The following FREM2 variants were observed in gnomAD, a reference collection of about 807,000 sequenced individuals.
FREM2 encodes the protein FRAS1-related extracellular matrix protein 2.
FREM2 carries 119 observed loss-of-function variants against 219.9 expected under a neutral mutation model. The observed-to-expected ratio is 0.54, with a 90% CI of 0.47 to 0.63. The LOEUF is 0.63. Ranked by LOEUF, FREM2 falls within the 30% of genes least tolerant of loss-of-function variation. FREM2 has a pLI of 0.00. For synonymous variants in FREM2, 1,562 were observed against 1,522.8 expected (o/e 1.03, Z -0.60); for missense variants, 4,030 against 3,993.6 (o/e 1.01, Z -0.25).
intron 2 of FREM2, among the ~76,000 whole-genome samples, chr13:38,716,621 C>T (rs1167533110): frequency 6.6e-6 from 1 of 152,048 alleles, no homozygotes; most frequent in Non-Finnish European, 1.5e-5. Flanking sequence ...AAGTCTCCTC[C>T]CTCAACCTCC....
Position 38,883,286 on chromosome 13 carries a change from G to A in FREM2, c.*2499G>A, listed in dbSNP as rs1878611813. ...ACATTAATTATTTTTTGAAACTCTTGTTAGTGGGAAGAATATGGTAAATTT... is the reference window on the plus strand; with the variant it reads ...ACATTAATTATTTTTTGAAACTCTTATTAGTGGGAAGAATATGGTAAATTT... On this transcript the variant is annotated 3_prime_UTR_variant, in exon 24 of 24. Transcript: ENST00000280481. 1 of 152,000 alleles carries A rather than the reference G, an allele frequency of 6.6e-6. No homozygotes were observed. Among genetic ancestry groups the A allele is most frequent in the Admixed American group, 6.6e-5 (1 of 15,258 alleles). The allele number at this position is 152,000 out of a possible 1,614,324, so 9.4% of individuals were successfully genotyped here.
rs75237997 is a variant in FREM2, at chr13:38,879,139, C to T, written c.9006+162C>T. ...GATATGGCAAATAAACTACATAACC[C>T]TATGCTGGGCATATGGTGAGCACTC... On this transcript the variant is annotated intron_variant, in intron 23 of 23. Transcript: ENST00000280481. Among the ~76,000 whole-genome samples the T allele has an allele frequency of 7.8e-3, 1,190 of 152,276 alleles. 22 individuals are homozygous for T. Among genetic ancestry groups the T allele is most frequent in the African/African-American group, 0.027 (1,138 of 41,536 alleles).
At chr13:38,842,956 G>A (rs1391599016) in intron 6 of FREM2, among the ~76,000 whole-genome samples, 1 of 152,176 alleles carries the variant, frequency 6.6e-6, no homozygotes, top group African/African-American at 2.4e-5. Context: ...AGACTTTTCT[G>A]TAGTCAATGC....
intron 10 of FREM2, 130 bp from the exon 11 acceptor site, chr13:38,851,556 G>T: frequency 1.3e-6 from 1 of 752,178 alleles, no homozygotes; most frequent in Non-Finnish European, 2.3e-6. Context: ...AATTTTGAGT[G>T]AGGGGACAGA....
intron 6 of FREM2, among the ~76,000 whole-genome samples, chr13:38,818,801 A>G (rs1012206085): frequency 6.6e-6 from 1 of 152,060 alleles, no homozygotes; most frequent in East Asian, 1.9e-4. Context: ...CGTCTTTACT[A>G]AAAATACAAA....
At chr13:38,822,649 A>C (rs959087032) in intron 6 of FREM2, among the ~76,000 whole-genome samples, 7 of 152,108 alleles carry the variant, frequency 4.6e-5, no homozygotes, top group Non-Finnish European at 1.0e-4. Context: ...CTATCCTCCC[A>C]ACAAACCTAG....
chr13:38,742,965 A>G (rs1344921061), intron 2 of FREM2, among the ~76,000 whole-genome samples: 4 of 152,242 alleles, frequency 2.6e-5, no homozygotes, highest in African/African-American at 4.8e-5. Flanking sequence ...AACTAGGACA[A>G]TAATACTGTT....
intron 11 of FREM2, among the ~76,000 whole-genome samples, chr13:38,853,094 A>G (rs1056110227): frequency 1.3e-5 from 2 of 152,012 alleles, no homozygotes; most frequent in Admixed American, 1.3e-4. Context: ...TTGGGAGGCC[A>G]AGGCGGGTGG....
chr13:38,687,371 A>T lies in FREM2; in HGVS notation c.27A>T (p.Leu9Phe), dbSNP rs369431598. The change falls in exon 1 of 24, where the codon TTA (leucine) becomes TTT (phenylalanine). Residue 9 changes from leucine to phenylalanine, a missense_variant. Leu to Phe is a conservative substitution (Grantham distance 22). Transcript: ENST00000280481. Reference protein sequence around the residue: MHSAGTPGLSSRRTGNSTS... With the variant: MHSAGTPGFSSRRTGNSTS... ...TGCACTCAGCCGGGACTCCCGGGTT[A>T]TCCTCGCGCCGGACAGGCAACTCCA... is the stretch of plus-strand genomic sequence containing the variant. 2 of 1,608,472 alleles carry T rather than the reference A, an allele frequency of 1.2e-6. No homozygotes were observed. The highest frequency in any genetic ancestry group is 1.7e-6 in the Non-Finnish European group (2 of 1,177,862).
At position 38,876,254 on chromosome 13, in the gene FREM2, G is replaced by A; in HGVS notation, c.8416G>A (p.Asp2806Asn). Reference sequence around the variant, plus strand: ...CAATATCTTCTCCTCAAAGGTACGTGACTACTCAGGGACCTATACTGTGAA... The same window carrying A: ...CAATATCTTCTCCTCAAAGGTACGTAACTACTCAGGGACCTATACTGTGAA... ...WSFVSDFAVR[D>N]YSGTYTVKLV... is the part of the protein sequence containing the mutation. The change falls in exon 20 of 24, where the codon GAC becomes AAC. Residue 2806 changes from aspartate to asparagine, a missense_variant. Transcript: ENST00000280481. The A allele has an allele frequency of 6.2e-7, 1 of 1,613,986 alleles. No individual in the cohort carries two copies. Among genetic ancestry groups the A allele is most frequent in the South Asian group, 1.1e-5 (1 of 91,048 alleles).
intron 2 of FREM2, among the ~76,000 whole-genome samples, chr13:38,762,539 A>G (rs1225051546): frequency 6.6e-6 from 1 of 151,998 alleles, no homozygotes; most frequent in Non-Finnish European, 1.5e-5. Flanking sequence ...TCCTGGGTAC[A>G]AGCGATTCTC....
chr13:38,770,446 G>T (rs1051958080), intron 4 of FREM2, among the ~76,000 whole-genome samples: 2 of 151,868 alleles, frequency 1.3e-5, no homozygotes, highest in African/African-American at 2.4e-5. Flanking sequence ...ATTTAATATT[G>T]CTCATGTCAT....
At position 38,837,790 on chromosome 13, in the gene FREM2, G is replaced by GTTTTTT. The variant is rs796568760; in HGVS notation, c.6020-8778_6020-8777insTTTTTT. On this transcript the variant is annotated intron_variant, in intron 6 of 23. Coordinates refer to ENST00000280481, the MANE Select transcript of FREM2 (RefSeq NM_207361.6). Reference sequence around the variant, plus strand: ...GTTTTTTTTTGTTTTGTTTTGTTTTGTTTTTGCTTTCCATTTGCTTGGTAA... The same window carrying GTTTTTT: ...GTTTTTTTTTGTTTTGTTTTGTTTTGTTTTTTTTTTTGCTTTCCATTTGCTTGGTAA... 2.9e-5 allele frequency among the ~76,000 whole-genome samples: 4 copies of GTTTTTT among 137,132 alleles called. 1 individual carries two copies. The highest frequency in any genetic ancestry group is 8.1e-5 in the Admixed American group (1 of 12,336). The allele number at this position is 137,132 out of a possible 152,430, so 90.0% of individuals were successfully genotyped here.
intron 6 of FREM2, among the ~76,000 whole-genome samples, chr13:38,829,254 C>T (rs1474975350): frequency 2.0e-5 from 3 of 152,098 alleles, no homozygotes; most frequent in Admixed American, 1.3e-4. Context: ...TCCATATTGG[C>T]ATTCACTGTG....
At chr13:38,773,624 T>A (rs2137819389) in intron 4 of FREM2, among the ~76,000 whole-genome samples, 1 of 152,160 alleles carries the variant, frequency 6.6e-6, no homozygotes, top group South Asian at 2.1e-4. Context: ...GAGACAAGAG[T>A]CTTACTATGT....
chr13:38,824,982 A>AT (rs1876221704), intron 6 of FREM2, among the ~76,000 whole-genome samples: 2 of 146,668 alleles, frequency 1.4e-5, no homozygotes, highest in South Asian at 4.4e-4. Context: ...TTGGGGGTGG[A>AT]GGGGGGCGGC....
rs1053106929 is a variant in FREM2 at position 38,866,485 on chromosome 13, G to A, written c.7983+1879G>A. 9.9e-5 allele frequency among the ~76,000 whole-genome samples: 15 copies of A among 151,194 alleles called. 1 individual carries two copies. Among genetic ancestry groups the A allele is most frequent in the African/African-American group, 2.7e-4 (11 of 41,108 alleles). ...TGCACTCCAGCCTAGGCAACAGAGCGAGACTCTGTCAAAAAAAATAAAATA... is the reference window on the plus strand; with the variant it reads ...TGCACTCCAGCCTAGGCAACAGAGCAAGACTCTGTCAAAAAAAATAAAATA... On this transcript the variant is annotated intron_variant, in intron 16 of 23. Transcript: ENST00000280481.
chr13:38,691,657 C>T lies in FREM2; in HGVS notation c.4313C>T (p.Thr1438Ile). Residue 1438 changes from threonine (T) to isoleucine (I), a missense_variant, in exon 1 of 24, where the codon ACT becomes ATT. Around this residue, in one of 2 missense-constraint regions of FREM2, gnomAD observed 3,102 missense variants for 2,950.7 expected, o/e 1.05. Coordinates refer to ENST00000280481, the MANE Select transcript of FREM2 (RefSeq NM_207361.6). ...GVSLKEGGKV[T>I]LTTDLLSTSD... The stretch of plus-strand genomic sequence containing the variant: ...TCCTTGAAAGAAGGTGGCAAAGTCA[C>T]TCTTACAACAGACCTACTAAGCACT... The T allele has an allele frequency of 6.2e-7, 1 of 1,614,178 alleles. No individual in the cohort carries two copies. The highest frequency in any genetic ancestry group is 8.5e-7 in the Non-Finnish European group (1 of 1,180,024).
chr13:38,789,930 T>C (rs1874492440), intron 6 of FREM2, among the ~76,000 whole-genome samples: 1 of 152,044 alleles, frequency 6.6e-6, no homozygotes, highest in East Asian at 1.9e-4. Context: ...TATTACTTCC[T>C]TGCATATAAT....
Sources: allele counts gnomAD v4.1 joint callset (sites outside exome capture counted in the v4.1 genomes callset), GRCh38; gene constraint gnomAD v4.1.1; regional missense constraint gnomAD v4.1.1; transcripts MANE v1.5; gene names NCBI Gene and HGNC (gene_info 2026-07-23, HGNC 2026-07-21).